Variants in CATSPER3 observed in about 807,000 individuals in gnomAD.
CATSPER3 encodes cation channel sperm-associated protein 3.
Under a neutral mutation model 36.6 loss-of-function variants are expected in CATSPER3, and 23 were observed. The ratio of observed to expected loss-of-function variants is 0.63; its 90% CI spans 0.45 to 0.89. CATSPER3 has a LOEUF of 0.89. Ranked by LOEUF, CATSPER3 falls within the 40% of genes least tolerant of loss-of-function variation. The pLI, the probability that CATSPER3 is intolerant of heterozygous loss-of-function variation, is 0.00. For missense variants in CATSPER3, 474 were observed against 503.9 expected, an observed-to-expected ratio of 0.94 and a Z score of 0.57; for synonymous variants, 172 against 184.1, an observed-to-expected ratio of 0.93 and a Z score of 0.53.
intron 2 of CATSPER3, among the ~76,000 whole-genome samples, chr5:134,985,520 A>G (rs968718843): frequency 1.3e-5 from 2 of 152,108 alleles, no homozygotes; most frequent in African/African-American, 4.8e-5. Flanking sequence ...GGTGCATCCA[A>G]GTAGTGTACA....
At chr5:135,003,471 C>G (rs538042058) in intron 3 of CATSPER3, among the ~76,000 whole-genome samples, 1 of 152,352 alleles carries the variant, frequency 6.6e-6, no homozygotes, top group Non-Finnish European at 1.5e-5. Context: ...CCACTGCTCT[C>G]TTCAAAGCTG....
intron 2 of CATSPER3, among the ~76,000 whole-genome samples, 193 bp from the exon 3 acceptor site, chr5:134,996,080 G>A (rs1384616055): frequency 1.3e-5 from 2 of 152,188 alleles, no homozygotes; most frequent in Admixed American, 6.5e-5. Flanking sequence ...TAGGGCCACG[G>A]GGTAGGGAGG....
chr5:135,005,379 A>T (rs1308425915), intron 3 of CATSPER3, among the ~76,000 whole-genome samples: 1 of 152,184 alleles, frequency 6.6e-6, no homozygotes, highest in Non-Finnish European at 1.5e-5. Context: ...GTCATTAAGC[A>T]GGGCCTTGCA....
rs531515854 is a variant in CATSPER3 at position 135,005,058 on chromosome 5, C to T, written c.493-2899C>T. On this transcript the variant is annotated intron_variant, in intron 3 of 7. Coordinates refer to ENST00000282611, the MANE Select transcript of CATSPER3 (RefSeq NM_178019.3). ...GAGGAAAAGGAGACCCAGGACCACA[C>T]AGGGAGGAGGGAAGCAAAAAGGACT... Among the ~76,000 whole-genome samples the T allele has an allele frequency of 2.0e-5, 3 of 152,190 alleles. No individual in the cohort carries two copies. In the East Asian group the frequency reaches 5.8e-4, roughly 29 times the overall value.
chr5:135,010,243 A>C, intron 6 of CATSPER3, 130 bp from the exon 7 acceptor site: 1 of 810,210 alleles, frequency 1.2e-6, no homozygotes, highest in Admixed American at 1.9e-5. Flanking sequence ...AGTTGTGACA[A>C]GGCTGAAGCT....
intron 2 of CATSPER3, among the ~76,000 whole-genome samples, chr5:134,985,263 A>G (rs942417233): frequency 2.0e-5 from 3 of 152,190 alleles, no homozygotes; most frequent in Non-Finnish European, 4.4e-5. Context: ...AGAACAAAAG[A>G]ATGTCTTTTG....
At chr5:134,973,633 C>T (rs1314507217) in intron 2 of CATSPER3, among the ~76,000 whole-genome samples, 1 of 152,176 alleles carries the variant, frequency 6.6e-6, no homozygotes, top group Admixed American at 6.5e-5. Context: ...TGTCAAAAGT[C>T]TCAGGAGACT....
intron 2 of CATSPER3, among the ~76,000 whole-genome samples, chr5:134,982,918 G>T (rs898793452): frequency 6.6e-6 from 1 of 152,204 alleles, no homozygotes; most frequent in African/African-American, 2.4e-5. Flanking sequence ...CATGAAGGGA[G>T]AGAGATGAAG....
intron 2 of CATSPER3, among the ~76,000 whole-genome samples, chr5:134,984,428 AAAC>A (rs1751784922): frequency 6.6e-6 from 1 of 152,232 alleles, no homozygotes; most frequent in African/African-American, 2.4e-5. Flanking sequence ...TTAGAAAGAA[AAAC>A]AAATCCCATT....
In CATSPER3 at chr5:135,008,064, A is replaced by G. The variant is rs1336999998; in HGVS notation, c.600A>G (p.Gly200=). Reference sequence around the variant, plus strand: ...CTATCTTGGGCTTCTGCCTGTTTGGATCTCCAGACAATGGTGACCATGATA... The same window carrying G: ...CTATCTTGGGCTTCTGCCTGTTTGGGTCTCCAGACAATGGTGACCATGATA... ...IFAILGFCLF[G]SPDNGDHDNW... is the part of the protein sequence containing the mutation. The change falls in exon 4 of 8, where the codon GGA becomes GGG. Residue 200 remains glycine (G), a synonymous_variant. Transcript: ENST00000282611. The G allele has an allele frequency of 7.4e-6, 12 of 1,613,984 alleles. No individual in the cohort carries two copies. Among genetic ancestry groups the G allele is most frequent in the Non-Finnish European group, 1.0e-5 (12 of 1,179,970 alleles).
At chr5:134,984,987 T>A (rs1751792174) in intron 2 of CATSPER3, among the ~76,000 whole-genome samples, 1 of 152,082 alleles carries the variant, frequency 6.6e-6, no homozygotes, top group Admixed American at 6.6e-5. Context: ...CCTGGCTAAT[T>A]TTTGTATTTT....
rs1052798818 is a variant in CATSPER3, at chr5:135,002,010, G to A, written c.492+5498G>A. ...GTGAATTTGATCCTGTCATTATGAT[G>A]TTAGCTGGTTATTTTGCTCGTTAGT... On this transcript the variant is annotated intron_variant, in intron 3 of 7. Coordinates refer to ENST00000282611, the MANE Select transcript of CATSPER3 (RefSeq NM_178019.3). 2.3e-3 allele frequency among the ~76,000 whole-genome samples: 345 copies of A among 152,286 alleles called. 1 individual carries two copies. The highest frequency in any genetic ancestry group is 7.7e-3 in the African/African-American group (321 of 41,558).
intron 2 of CATSPER3, among the ~76,000 whole-genome samples, chr5:134,992,970 C>T (rs1053388553): frequency 2.0e-5 from 3 of 152,252 alleles, no homozygotes; most frequent in South Asian, 4.2e-4. Flanking sequence ...TGTTCATAGC[C>T]GCATTATTCA....
chr5:134,980,789 A>G (rs542602921), intron 2 of CATSPER3, among the ~76,000 whole-genome samples: 166 of 152,210 alleles, frequency 1.1e-3, no homozygotes, highest in Non-Finnish European at 2.0e-3. Flanking sequence ...GTGCAGTGAC[A>G]TGATTATAGC....
At chr5:135,007,299 C>T (rs759511901) in intron 3 of CATSPER3, among the ~76,000 whole-genome samples, 3 of 152,150 alleles carry the variant, frequency 2.0e-5, no homozygotes, top group Non-Finnish European at 4.4e-5. Flanking sequence ...GTCTGTGAAA[C>T]GTCTAGGTAG....
At chr5:134,982,805 T>G (rs1751765530) in intron 2 of CATSPER3, among the ~76,000 whole-genome samples, 1 of 152,244 alleles carries the variant, frequency 6.6e-6, no homozygotes, top group African/African-American at 2.4e-5. Flanking sequence ...AGTGTTATTG[T>G]GTATTTTGAT....
chr5:134,995,863 G>C (rs1449830376), intron 2 of CATSPER3: 1 of 285,978 alleles, frequency 3.5e-6, no homozygotes, highest in South Asian at 4.0e-5. Context: ...GTATGATTAA[G>C]TTAATAGATT....
chr5:134,971,983 T>C (rs1280638643), intron 2 of CATSPER3, among the ~76,000 whole-genome samples: 1 of 151,794 alleles, frequency 6.6e-6, no homozygotes, highest in African/African-American at 2.4e-5. Flanking sequence ...AACAGCACAA[T>C]AGAAAAAGAT....
At position 135,011,561 on chromosome 5, in the gene CATSPER3, C is replaced by T; in HGVS notation, c.1135C>T (p.Leu379=). ...CTATGAGATCGTGCATGTGCTGAGC[C>T]TAATGCTGGAAGACTTGCCCCAGGA... is the stretch of plus-strand genomic sequence containing the variant. The part of the protein sequence containing the change: ...LYYEIVHVLS[L]MLEDLPQEKP... The change falls in exon 8 of 8, where the codon CTA becomes TTA. Residue 379 remains leucine, a synonymous_variant. Transcript: ENST00000282611. The T allele has an allele frequency of 6.2e-7, 1 of 1,614,124 alleles. No individual in the cohort carries two copies. Among genetic ancestry groups the T allele is most frequent in the Admixed American group, 1.7e-5 (1 of 60,018 alleles).
Sources: gnomAD v4.1 joint callset for allele counts (sites outside exome capture counted in the v4.1 genomes callset) on GRCh38, gnomAD v4.1.1 for gene constraint, MANE v1.5 for transcripts, NCBI Gene and HGNC (gene_info 2026-07-23, HGNC 2026-07-21) for gene names.